The following UPP2 variants were observed in gnomAD, a reference collection of about 807,000 sequenced individuals.
UPP2 encodes uridine phosphorylase 2.
A neutral mutation model predicts 26.7 loss-of-function variants in UPP2; 23 were observed. That is an observed-to-expected ratio of 0.86 (90% confidence interval 0.62 to 1.22). The LOEUF (loss-of-function observed/expected upper bound fraction) is 1.22. Among genes scored for constraint, UPP2 ranks in the 50% most tolerant of loss-of-function variants. UPP2 has a pLI of 0.00. For missense variants in UPP2, 387 were observed against 396.7 expected (o/e 0.98, Z 0.21); for synonymous variants, 127 against 141.3 (o/e 0.90, Z 0.72).
intron 3 of UPP2, among the ~76,000 whole-genome samples, chr2:158,077,003 A>G (rs533956785): frequency 6.6e-6 from 1 of 152,292 alleles, no homozygotes; most frequent in East Asian, 1.9e-4. Flanking sequence ...TACGAAAATC[A>G]GTAGCATTTC....
intron 2 of UPP2, among the ~76,000 whole-genome samples, chr2:158,015,142 G>A (rs1356882353): frequency 6.6e-6 from 1 of 152,104 alleles, no homozygotes; most frequent in Non-Finnish European, 1.5e-5. Context: ...ATACAGTTTA[G>A]TAGTGTTAAG....
intron 3 of UPP2, among the ~76,000 whole-genome samples, chr2:158,072,870 C>G (rs978384792): frequency 6.6e-6 from 1 of 152,306 alleles, no homozygotes; most frequent in South Asian, 2.1e-4. Context: ...TGGGCACAAA[C>G]AAGCCCAGAC....
chr2:158,076,772 C>T (rs1314188002), intron 3 of UPP2, among the ~76,000 whole-genome samples: 1 of 152,036 alleles, frequency 6.6e-6, no homozygotes, highest in Non-Finnish European at 1.5e-5. Context: ...GTCAAAGATG[C>T]CTGCTTTCAC....
At chr2:158,026,866 T>TA (rs891271513) in intron 3 of UPP2, among the ~76,000 whole-genome samples, 2 of 152,138 alleles carry the variant, frequency 1.3e-5, no homozygotes, top group African/African-American at 4.8e-5. Context: ...AGGCACTTCT[T>TA]ACATAGTGAC....
intron 2 of UPP2, among the ~76,000 whole-genome samples, chr2:157,997,363 T>C (rs566831046): frequency 6.6e-6 from 1 of 152,202 alleles, no homozygotes; most frequent in Non-Finnish European, 1.5e-5. Flanking sequence ...TCTGTAAAGG[T>C]CTTCACATTT....
intron 3 of UPP2, among the ~76,000 whole-genome samples, chr2:158,089,905 A>T (rs1288770419): frequency 6.6e-6 from 1 of 151,706 alleles, no homozygotes; most frequent in African/African-American, 2.4e-5. Context: ...GGGTCTGTGG[A>T]CTCTCTTGGC....
At chr2:158,044,089 G>A (rs1198800175) in intron 3 of UPP2, among the ~76,000 whole-genome samples, 2 of 152,212 alleles carry the variant, frequency 1.3e-5, no homozygotes, top group African/African-American at 4.8e-5. Context: ...CTCTAAAGTA[G>A]CATGGCCTAG....
intron 2 of UPP2, among the ~76,000 whole-genome samples, chr2:158,112,778 C>T (rs1274171251): frequency 1.3e-5 from 2 of 151,940 alleles, no homozygotes; most frequent in Admixed American, 1.3e-4. Flanking sequence ...TGCAATAGAC[C>T]AGATTAATAC....
At chr2:158,000,632 G>T (rs1389793262) in intron 2 of UPP2, among the ~76,000 whole-genome samples, 1 of 152,188 alleles carries the variant, frequency 6.6e-6, no homozygotes, top group Non-Finnish European at 1.5e-5. Context: ...CATCCTTCTA[G>T]TCTTTCCCTA....
At chr2:158,047,566 T>C (rs535797884) in intron 3 of UPP2, among the ~76,000 whole-genome samples, 8 of 152,168 alleles carry the variant, frequency 5.3e-5, no homozygotes, top group Non-Finnish European at 1.2e-4. Context: ...AAGAGACCAG[T>C]GGAAATGAGA....
chr2:158,075,092 A>G (rs1682610062), intron 3 of UPP2, among the ~76,000 whole-genome samples: 1 of 152,144 alleles, frequency 6.6e-6, no homozygotes, highest in South Asian at 2.1e-4. Context: ...ATAAATATAT[A>G]TGCACCCAAA....
At chr2:158,057,243 A>G (rs984934395) in intron 3 of UPP2, among the ~76,000 whole-genome samples, 1 of 152,112 alleles carries the variant, frequency 6.6e-6, no homozygotes, top group African/African-American at 2.4e-5. Context: ...CCCTTTCCAC[A>G]TTGTGCATTT....
At chr2:158,035,533 A>G (rs1429744449) in intron 3 of UPP2, among the ~76,000 whole-genome samples, 3 of 152,294 alleles carry the variant, frequency 2.0e-5, no homozygotes, top group South Asian at 4.1e-4. Context: ...GCTGGATACA[A>G]TCAAAGGAAC....
chr2:158,131,390 G>A (rs1027640155), intron 6 of UPP2, among the ~76,000 whole-genome samples: 1 of 152,142 alleles, frequency 6.6e-6, no homozygotes, highest in Non-Finnish European at 1.5e-5. Flanking sequence ...GTGGTCCATA[G>A]GGGTGCGTGG....
chr2:158,061,862 C>T (rs1682357723), intron 3 of UPP2, among the ~76,000 whole-genome samples: 1 of 152,238 alleles, frequency 6.6e-6, no homozygotes, highest in Non-Finnish European at 1.5e-5. Flanking sequence ...TGGCCCTAGC[C>T]CAGGTATCCA....
Position 158,135,039 on chromosome 2 carries a change from G to A in UPP2, c.*149G>A. ...TATGAAATCCTTCTCTCTTAAAAAGGAATTTATTGTAAAAGAATACTCACA... is the reference window on the plus strand; with the variant it reads ...TATGAAATCCTTCTCTCTTAAAAAGAAATTTATTGTAAAAGAATACTCACA... On this transcript the variant is annotated 3_prime_UTR_variant, in exon 7 of 7. Transcript: ENST00000005756. 3 of 946,568 alleles carry A rather than the reference G, an allele frequency of 3.2e-6. No individual in the cohort carries two copies. Among genetic ancestry groups the A allele is most frequent in the South Asian group, 3.2e-5 (1 of 31,448 alleles). 58.6% of individuals were successfully genotyped at this position (946,568 alleles called of 1,614,324 possible).
intron 3 of UPP2, among the ~76,000 whole-genome samples, chr2:158,073,581 C>T (rs1476581565): frequency 6.6e-6 from 1 of 152,038 alleles, no homozygotes; most frequent in Non-Finnish European, 1.5e-5. Flanking sequence ...AGAAAGGATC[C>T]TAAAAACAGC....
chr2:158,048,483 G>C (rs1369395653), intron 3 of UPP2, among the ~76,000 whole-genome samples: 1 of 152,164 alleles, frequency 6.6e-6, no homozygotes, highest in Non-Finnish European at 1.5e-5. Context: ...ATGCACCTGT[G>C]GTCCCAGCTA....
intron 3 of UPP2, among the ~76,000 whole-genome samples, chr2:158,057,997 T>C (rs79246930): frequency 0.052 from 7,907 of 152,082 alleles, 370 homozygotes; most frequent in East Asian, 0.15. Context: ...GTGCTTCTTA[T>C]AAGAATAAGA....
Sources: allele counts gnomAD v4.1 joint callset (sites outside exome capture counted in the v4.1 genomes callset), GRCh38; gene constraint gnomAD v4.1.1; transcripts MANE v1.5; gene names NCBI Gene and HGNC (gene_info 2026-07-23, HGNC 2026-07-21).